Variants in SCRG1 observed in about 807,000 individuals in gnomAD.
SCRG1 encodes the protein stimulator of chondrogenesis 1.
SCRG1 carries 3 observed loss-of-function variants against 7.7 expected under a neutral mutation model. That is an observed-to-expected ratio of 0.39 (90% CI 0.18 to 1.01). The LOEUF (loss-of-function observed/expected upper bound fraction) is 1.01. Among genes scored for constraint, SCRG1 ranks in the 50% least tolerant of loss-of-function variants. The pLI, the probability that SCRG1 is intolerant of heterozygous loss-of-function variation, is 0.36. For synonymous variants in SCRG1, 46 were observed against 41.2 expected (o/e 1.12, Z -0.44); for missense variants, 110 against 117.2 (o/e 0.94, Z 0.28).
At chr4:173,490,118 A>T in the SCRG1 span, among the ~76,000 whole-genome samples, 1 of 152,196 alleles carries the variant, frequency 6.6e-6, no homozygotes, top group African/African-American at 2.4e-5. Flanking sequence ...TGACGATTCT[A>T]AATTGTCCAC....
chr4:173,388,383 A>G lies in SCRG1; in HGVS notation c.255T>C (p.Phe85=), dbSNP rs1311587373. ...ELLCCPKDVF[F]GPKISFVIPC... ...GAATCACGAAAGAGATCTTTGGTCC[A>G]AAGAAAACGTCTCTGAAAGAAAATA... Residue 85 remains phenylalanine (F), a synonymous_variant, in exon 3 of 3, where the codon TTT becomes TTC. Transcript: ENST00000296506. The G allele has an allele frequency of 3.1e-6, 5 of 1,611,356 alleles. No homozygotes were observed. Among genetic ancestry groups the G allele is most frequent in the Non-Finnish European group, 3.4e-6 (4 of 1,178,148 alleles).
the SCRG1 span, among the ~76,000 whole-genome samples, chr4:173,495,387 A>C: frequency 6.6e-6 from 1 of 152,210 alleles, no homozygotes; most frequent in Non-Finnish European, 1.5e-5. Flanking sequence ...TTTCGGCATG[A>C]CTTTTAAACG....
At chr4:173,488,009 G>A in the SCRG1 span, among the ~76,000 whole-genome samples, 1 of 152,038 alleles carries the variant, frequency 6.6e-6, no homozygotes, top group African/African-American at 2.4e-5. Context: ...GCTGAGGCAT[G>A]AGAATCGCTT....
the SCRG1 span, among the ~76,000 whole-genome samples, chr4:173,412,760 G>T: frequency 2.0e-5 from 3 of 152,104 alleles, no homozygotes; most frequent in Non-Finnish European, 4.4e-5. Flanking sequence ...CCAATAACTT[G>T]GGAGCTTTGA....
At chr4:173,403,275 T>A (rs1466971200), upstream of SCRG1, 1 of 152,120 alleles carries the variant, frequency 6.6e-6, no homozygotes, top group Non-Finnish European at 1.5e-5. Context: ...GGGAGAGAAA[T>A]GCTTCCATGA....
the SCRG1 span, among the ~76,000 whole-genome samples, chr4:173,488,273 ATCTCT>A: frequency 2.0e-5 from 3 of 152,210 alleles, no homozygotes; most frequent in African/African-American, 7.2e-5. Flanking sequence ...CAAAATGAGC[ATCTCT>A]TCAAGGGACC....
At chr4:173,404,955 A>G (rs559849796) in intron 1 of SCRG1, among the ~76,000 whole-genome samples, 1 of 152,338 alleles carries the variant, frequency 6.6e-6, no homozygotes, top group South Asian at 2.1e-4. Flanking sequence ...TATACCCTAT[A>G]TCCAGTTTCC....
At chr4:173,443,501 G>A in the SCRG1 span, among the ~76,000 whole-genome samples, 7 of 152,122 alleles carry the variant, frequency 4.6e-5, no homozygotes, top group African/African-American at 1.7e-4. Context: ...AGTCAAAACA[G>A]ACCAGCATTC....
the SCRG1 span, among the ~76,000 whole-genome samples, chr4:173,507,422 C>A: frequency 1.3e-5 from 2 of 152,184 alleles, no homozygotes; most frequent in East Asian, 3.9e-4. This position sits in a 1 kb window ranked among gnomAD's most constrained non-coding sequence, Gnocchi z 4.4. Context: ...GTTGGCCAGG[C>A]TGGTCTTGAA....
chr4:173,420,624 C>G, the SCRG1 span, among the ~76,000 whole-genome samples: 1 of 151,360 alleles, frequency 6.6e-6, no homozygotes, highest in Admixed American at 6.6e-5. Context: ...TAGTGATTAG[C>G]GTCGATCATG....
At chr4:173,434,691 G>C in the SCRG1 span, among the ~76,000 whole-genome samples, 2 of 152,070 alleles carry the variant, frequency 1.3e-5, no homozygotes, top group South Asian at 4.1e-4. Context: ...AATTAGCCGG[G>C]TGTCGTGGTG....
At chr4:173,489,510 A>T in the SCRG1 span, among the ~76,000 whole-genome samples, 198 of 134,948 alleles carry the variant, frequency 1.5e-3, no homozygotes, top group African/African-American at 5.0e-3. Flanking sequence ...TGCGTTTCTA[A>T]TTTTTTTTTT....
At chr4:173,428,915 G>C in the SCRG1 span, among the ~76,000 whole-genome samples, 2 of 152,056 alleles carry the variant, frequency 1.3e-5, no homozygotes, top group Non-Finnish European at 2.9e-5. Context: ...ACTTTTCCAA[G>C]ATCACTCTTA....
the SCRG1 span, among the ~76,000 whole-genome samples, chr4:173,460,921 A>G: frequency 6.6e-6 from 1 of 152,210 alleles, no homozygotes; most frequent in Non-Finnish European, 1.5e-5. Flanking sequence ...CAACTGTGGT[A>G]GTCTGGCAGT....
the SCRG1 span, among the ~76,000 whole-genome samples, chr4:173,481,352 G>T: frequency 9.9e-5 from 15 of 152,122 alleles, no homozygotes; most frequent in Admixed American, 9.8e-4. Flanking sequence ...ACTTTTCCAC[G>T]TGAGTTAATT....
At position 173,387,270 on chromosome 4, in the gene SCRG1, G is replaced by T. The variant is rs1739270965; in HGVS notation, c.*1071C>A. The T allele has an allele frequency of 6.6e-6, 1 of 152,166 alleles. No homozygotes were observed. 9.4% of individuals were successfully genotyped at this position (152,166 alleles called of 1,614,324 possible). A position where few individuals can be genotyped will look rare whatever the true frequency, so the allele number is the denominator to read the frequency against. On this transcript the variant is annotated 3_prime_UTR_variant, in exon 3 of 3. Coordinates refer to ENST00000296506, the MANE Select transcript of SCRG1 (RefSeq NM_007281.4). ...CTTGAGTTAGCAGCTGAAAAATGGG[G>T]CTGAGAATATTTACCTTGAAGGCTT...
chr4:173,482,365 C>A, the SCRG1 span, among the ~76,000 whole-genome samples: 1 of 152,142 alleles, frequency 6.6e-6, no homozygotes, highest in East Asian at 1.9e-4. Context: ...TAACATATGT[C>A]ATGTGTACTA....
At chr4:173,435,979 C>T in the SCRG1 span, among the ~76,000 whole-genome samples, 1 of 152,180 alleles carries the variant, frequency 6.6e-6, no homozygotes, top group Non-Finnish European at 1.5e-5. Context: ...ACTGAAGCAG[C>T]CCCTGCCCCC....
At chr4:173,439,941 C>T in the SCRG1 span, among the ~76,000 whole-genome samples, 1 of 152,218 alleles carries the variant, frequency 6.6e-6, no homozygotes. Flanking sequence ...ATTTCTTTTG[C>T]AGCTCTAAAT....
Sources: gnomAD v4.1 joint callset for allele counts (sites outside exome capture counted in the v4.1 genomes callset) on GRCh38, gnomAD v4.1.1 for gene constraint, Gnocchi (gnomAD v3.1) non-coding constraint, MANE v1.5 for transcripts, NCBI Gene and HGNC (gene_info 2026-07-23, HGNC 2026-07-21) for gene names.